CTBP2: variants seen among roughly 807,000 people sequenced by gnomAD.
CTBP2 encodes C-terminal binding protein 2.
CTBP2 carries 30 observed loss-of-function variants against 80.3 expected under a neutral mutation model. The ratio of observed to expected loss-of-function variants is 0.37; its 90% CI spans 0.28 to 0.51. CTBP2 has a LOEUF of 0.51. Ranked by LOEUF, CTBP2 falls within the 20% of genes least tolerant of loss-of-function variation. The probability of loss-of-function intolerance (pLI) is 0.93; values close to 1 mark genes in which losing one functional copy is unlikely to be tolerated. For missense variants in CTBP2, 1,212 were observed against 1,375.3 expected, an observed-to-expected ratio of 0.88 and a Z score of 1.88; for synonymous variants, 594 against 587.4, an observed-to-expected ratio of 1.01 and a Z score of -0.16.
In CTBP2 at chr10:124,986,421, A is replaced by T. The variant is rs1388612702; in HGVS notation, c.*3097T>A. 1.3e-5 allele frequency: 2 copies of T among 152,444 alleles called. No homozygotes were observed. The highest frequency in any genetic ancestry group is 2.9e-5 in the Non-Finnish European group (2 of 68,022). 9.4% of individuals were successfully genotyped at this position (152,444 alleles called of 1,614,324 possible). ...TTGATAATGAAATGTGTACAACCTC[A>T]AATTTGCTGCCAGAATACTAAAAAT... On this transcript the variant is annotated 3_prime_UTR_variant, in exon 9 of 9. Transcript: ENST00000309035.
chr10:125,113,150 A>G (rs1179338694), intron 1 of CTBP2, among the ~76,000 whole-genome samples: 1 of 152,246 alleles, frequency 6.6e-6, no homozygotes, highest in Non-Finnish European at 1.5e-5. Context: ...TGGGAGACAG[A>G]CATTCCAGCC....
chr10:125,071,857 CAG>C, intron 2 of CTBP2, among the ~76,000 whole-genome samples: 1 of 151,990 alleles, frequency 6.6e-6, no homozygotes. Context: ...GATTAAGAAA[CAG>C]AGGATGCAAG....
rs570087441 is a variant in CTBP2 at position 125,144,783 on chromosome 10, G to T, written c.-206+15536C>A. On this transcript the variant is annotated intron_variant, in intron 1 of 10. Transcript: ENST00000337195. ...CATCCATCTTTGACTTGTGTACATA[G>T]ATAGTAATAGTGTGCTTCACTGAGC... is the stretch of plus-strand genomic sequence containing the variant. Among the ~76,000 whole-genome samples the T allele has an allele frequency of 1.4e-4, 21 of 152,350 alleles. 1 individual carries two copies. In the South Asian group the frequency reaches 4.1e-3, roughly 30 times the overall value.
chr10:125,140,033 G>A (rs1217257077), intron 1 of CTBP2, among the ~76,000 whole-genome samples: 7 of 151,900 alleles, frequency 4.6e-5, no homozygotes, highest in East Asian at 3.9e-4. Context: ...ATAAAGACAC[G>A]ATGGGGTGTC....
intron 2 of CTBP2, among the ~76,000 whole-genome samples, chr10:125,095,408 T>C (rs896827951): frequency 1.3e-5 from 2 of 152,108 alleles, no homozygotes; most frequent in African/African-American, 2.4e-5. Flanking sequence ...TTCCAAGGGA[T>C]GTGGTCAAAA....
At chr10:125,139,163 G>A in intron 1 of CTBP2, among the ~76,000 whole-genome samples, 1 of 152,070 alleles carries the variant, frequency 6.6e-6, no homozygotes, top group Non-Finnish European at 1.5e-5. Flanking sequence ...CTTGAGGCCA[G>A]GAGTTCGAGA....
At chr10:125,131,382 G>C (rs939443962) in intron 1 of CTBP2, among the ~76,000 whole-genome samples, 2 of 152,214 alleles carry the variant, frequency 1.3e-5, no homozygotes, top group Non-Finnish European at 2.9e-5. Context: ...AAAGTGTTTA[G>C]GTGGATGCCA....
chr10:124,993,736 T>C (rs1953043546), intron 6 of CTBP2, 119 bp downstream of exon 8: 3 of 1,233,580 alleles, frequency 2.4e-6, no homozygotes, highest in East Asian at 2.4e-5. Flanking sequence ...GTAAATGTCA[T>C]CTCTGGAGTT....
intron 2 of CTBP2, among the ~76,000 whole-genome samples, chr10:125,040,454 TAAAAAAAAAAAAAAAA>T (rs747855375): frequency 9.6e-6 from 1 of 104,450 alleles, no homozygotes; most frequent in African/African-American, 4.0e-5. Flanking sequence ...ACTCTGTCTT[TAAAAAAAAAAAAAAAA>T]AAAAAAAGGT....
chr10:125,157,515 A>T (rs1005969436), intron 1 of CTBP2, among the ~76,000 whole-genome samples: 2 of 152,238 alleles, frequency 1.3e-5, no homozygotes, highest in African/African-American at 4.8e-5. Flanking sequence ...AAGATCTTTT[A>T]ATTCCCTCTA....
At position 125,098,643 on chromosome 10, in the gene CTBP2, G is replaced by A. The variant is rs564626064; in HGVS notation, c.-102+12347C>T. On this transcript the variant is annotated intron_variant, in intron 2 of 10. Transcript: ENST00000337195. ...GGGCTGCTGCGGGTGAACAGAGAGA[G>A]AAATGGGGGAGGGGGAGAGAGAGAG... Among the ~76,000 whole-genome samples, 183 of 86,066 alleles carry A rather than the reference G, an allele frequency of 2.1e-3. 2 individuals carry two copies. Among genetic ancestry groups the A allele is most frequent in the African/African-American group, 7.5e-3 (173 of 22,914 alleles). The allele number at this position is 86,066 out of a possible 152,430, so 56.5% of individuals were successfully genotyped here. A position where few individuals can be genotyped will look rare whatever the true frequency, so the allele number is the denominator to read the frequency against.
upstream of CTBP2, chr10:125,032,676 CA>C (rs1958376495): frequency 6.5e-6 from 1 of 154,706 alleles, no homozygotes; most frequent in Admixed American, 6.5e-5. Flanking sequence ...CTCCATTCAT[CA>C]CGTGCTTTTC....
At chr10:125,004,971 G>A (rs1955034815) in intron 1 of CTBP2, among the ~76,000 whole-genome samples, 2 of 152,190 alleles carry the variant, frequency 1.3e-5, no homozygotes, top group South Asian at 4.1e-4. Flanking sequence ...CACTTGGTGG[G>A]GACGATGACT....
At chr10:125,129,437 A>G (rs557062453) in intron 1 of CTBP2, among the ~76,000 whole-genome samples, 27 of 152,272 alleles carry the variant, frequency 1.8e-4, no homozygotes, top group African/African-American at 6.0e-4. Context: ...TTTTACCTCA[A>G]AGAAAAAACA....
At chr10:125,114,578 C>T (rs1028013160) in intron 1 of CTBP2, among the ~76,000 whole-genome samples, 4 of 152,080 alleles carry the variant, frequency 2.6e-5, no homozygotes, top group African/African-American at 9.7e-5. Context: ...ACAAAAATTA[C>T]GTTTTAGGTC....
rs1564975417 is a variant in CTBP2, at chr10:124,987,948, T to C, written c.*1570A>G. On this transcript the variant is annotated 3_prime_UTR_variant, in exon 9 of 9. Transcript: ENST00000309035. The stretch of plus-strand genomic sequence containing the variant: ...TTGCAACACTTCTTTGTAAATATCA[T>C]TTTGTTTGTTAGGTTATTGGCAAAA... 2 of 152,504 alleles carry C rather than the reference T, an allele frequency of 1.3e-5. No individual in the cohort carries two copies. Among genetic ancestry groups the C allele is most frequent in the African/African-American group, 4.8e-5 (2 of 41,452 alleles). The allele number at this position is 152,504 out of a possible 1,614,324, so 9.4% of individuals were successfully genotyped here.
chr10:125,021,389 T>C (rs1052536682), intron 1 of CTBP2, among the ~76,000 whole-genome samples: 3 of 152,158 alleles, frequency 2.0e-5, no homozygotes, highest in African/African-American at 7.2e-5. Context: ...GGCCATGCAT[T>C]CAACTACTTT....
intron 1 of CTBP2, among the ~76,000 whole-genome samples, chr10:125,019,791 C>T (rs967416589): frequency 6.6e-6 from 1 of 152,200 alleles, no homozygotes; most frequent in African/African-American, 2.4e-5. Flanking sequence ...TAAGCAAATA[C>T]GTAAGACTCC....
At chr10:125,045,177 C>T (rs7083961) in intron 2 of CTBP2, among the ~76,000 whole-genome samples, 14,669 of 152,088 alleles carry the variant, frequency 0.096, 793 homozygotes, top group South Asian at 0.21. Context: ...GATCTTGCTG[C>T]CCCACGCGAG....
Sources: gnomAD v4.1 joint callset for allele counts (sites outside exome capture counted in the v4.1 genomes callset) on GRCh38, gnomAD v4.1.1 for gene constraint, MANE v1.5 for transcripts, NCBI Gene and HGNC (gene_info 2026-07-23, HGNC 2026-07-21) for gene names.